The following MAGI2 variants were observed in gnomAD, a reference collection of about 807,000 sequenced individuals.
The protein encoded by MAGI2 is membrane associated guanylate kinase, WW and PDZ domain containing 2.
A neutral mutation model predicts 133.3 loss-of-function variants in MAGI2; 35 were observed. The observed-to-expected ratio is 0.26, with a 90% CI of 0.20 to 0.35. The LOEUF is 0.35. Ranked by LOEUF, MAGI2 falls within the 10% of genes least tolerant of loss-of-function variation. MAGI2 has a pLI of 1.00. For synonymous variants in MAGI2, 729 were observed against 710.6 expected (o/e 1.03, Z -0.41); for missense variants, 1,636 against 1,863.4 (o/e 0.88, Z 2.25).
intron 1 of MAGI2, among the ~76,000 whole-genome samples, chr7:79,029,970 T>C (rs1810401442): frequency 6.6e-6 from 1 of 152,106 alleles, no homozygotes; most frequent in African/African-American, 2.4e-5. Context: ...CCCCAAAATA[T>C]TAATATTACC....
At chr7:78,473,004 G>A (rs546323804) in intron 6 of MAGI2, among the ~76,000 whole-genome samples, 4 of 152,144 alleles carry the variant, frequency 2.6e-5, no homozygotes, top group African/African-American at 7.2e-5. Context: ...TAGTTTGGGG[G>A]AAATTATTAT....
At chr7:78,743,113 T>G (rs897833601) in intron 2 of MAGI2, among the ~76,000 whole-genome samples, 2 of 152,206 alleles carry the variant, frequency 1.3e-5, no homozygotes, top group Non-Finnish European at 2.9e-5. Context: ...AATAATGAAA[T>G]GATTATCGCT....
At chr7:79,405,964 C>T (rs1845778389) in intron 1 of MAGI2, among the ~76,000 whole-genome samples, 1 of 144,264 alleles carries the variant, frequency 6.9e-6, no homozygotes, top group Non-Finnish European at 1.5e-5. Context: ...CAGTTTATGA[C>T]AAAATAAGAA....
chr7:78,616,980 A>C (rs1026211931), intron 3 of MAGI2: 1 of 152,178 alleles, frequency 6.6e-6, no homozygotes, highest in Non-Finnish European at 1.5e-5. Flanking sequence ...CTGACAATAA[A>C]CAAATAAATG....
intron 1 of MAGI2, among the ~76,000 whole-genome samples, chr7:79,104,267 G>C (rs966625934): frequency 2.0e-5 from 3 of 152,122 alleles, no homozygotes; most frequent in African/African-American, 4.8e-5. Context: ...TAACATTCTG[G>C]GGTCTGTGGC....
At chr7:78,335,978 T>C (rs12537256) in intron 9 of MAGI2, among the ~76,000 whole-genome samples, 34,469 of 152,010 alleles carry the variant, frequency 0.23, 4,490 homozygotes, top group East Asian at 0.54. Flanking sequence ...AAAGTAAATA[T>C]AGGTCATGTC....
chr7:78,435,556 A>T (rs1266271488), intron 6 of MAGI2, among the ~76,000 whole-genome samples: 2 of 152,090 alleles, frequency 1.3e-5, no homozygotes, highest in African/African-American at 4.8e-5. Context: ...AACAAAACAC[A>T]CACAAGTGGG....
rs573080636 is a variant in MAGI2, at chr7:79,330,076, A to C, written c.301+122944T>G. ...AGTATAGTTGCATATTAAAACCTAG[A>C]CCATTATCCAAATAGGAAGAAAGGA... is the stretch of plus-strand genomic sequence containing the variant. On this transcript the variant is annotated intron_variant, in intron 1 of 21. Coordinates refer to ENST00000354212, the MANE Select transcript of MAGI2 (RefSeq NM_012301.4). Among the ~76,000 whole-genome samples the C allele has an allele frequency of 9.2e-5, 14 of 151,436 alleles. No individual in the cohort carries two copies. In the East Asian group the frequency reaches 2.8e-3, roughly 30 times the overall value.
At chr7:78,661,154 A>G (rs1812915006) in intron 2 of MAGI2, among the ~76,000 whole-genome samples, 1 of 152,210 alleles carries the variant, frequency 6.6e-6, no homozygotes, top group Admixed American at 6.5e-5. Flanking sequence ...GAAGTTTATC[A>G]TCACATTTTT....
At chr7:79,141,169 GT>G (rs137949179) in intron 1 of MAGI2, among the ~76,000 whole-genome samples, 4,389 of 152,178 alleles carry the variant, frequency 0.029, 80 homozygotes, top group East Asian at 0.039. Flanking sequence ...GCTCTTGACA[GT>G]TTTTCAAAAA....
chr7:78,931,313 T>C (rs1270108825), intron 2 of MAGI2, among the ~76,000 whole-genome samples: 1 of 152,108 alleles, frequency 6.6e-6, no homozygotes, highest in Non-Finnish European at 1.5e-5. Flanking sequence ...TAGTCGACAT[T>C]ACCACTGTAC....
intron 2 of MAGI2, among the ~76,000 whole-genome samples, chr7:78,699,258 A>T (rs1303578941): frequency 6.6e-6 from 1 of 152,160 alleles, no homozygotes; most frequent in Non-Finnish European, 1.5e-5. Flanking sequence ...TACATGCCAC[A>T]TGCTCAGCTA....
At chr7:79,206,036 TG>T (rs1334069096) in intron 1 of MAGI2, among the ~76,000 whole-genome samples, 1 of 150,456 alleles carries the variant, frequency 6.6e-6, no homozygotes, top group African/African-American at 2.5e-5. Flanking sequence ...TATATGAAAA[TG>T]GAAACACAAC....
intron 10 of MAGI2, among the ~76,000 whole-genome samples, chr7:78,204,608 AT>A (rs1346822855): frequency 2.0e-5 from 3 of 152,016 alleles, no homozygotes; most frequent in East Asian, 1.9e-4. Context: ...TGGGATTAAA[AT>A]TTTTTTTATA....
chr7:79,319,851 T>C (rs142142782), intron 1 of MAGI2, among the ~76,000 whole-genome samples: 1 of 152,278 alleles, frequency 6.6e-6, no homozygotes, highest in East Asian at 1.9e-4. Context: ...ATAGACATGA[T>C]TGACCCACGT....
At chr7:78,112,260 T>C (rs538623233) in intron 20 of MAGI2, among the ~76,000 whole-genome samples, 2 of 152,332 alleles carry the variant, frequency 1.3e-5, no homozygotes, top group African/African-American at 4.8e-5. Flanking sequence ...TCTTTATTAT[T>C]TACTGTTTGA....
At chr7:79,260,300 G>C (rs1833983248) in intron 1 of MAGI2, among the ~76,000 whole-genome samples, 1 of 152,102 alleles carries the variant, frequency 6.6e-6, no homozygotes, top group South Asian at 2.1e-4. Flanking sequence ...AGGCTGCAGT[G>C]AGCTGAGATC....
At chr7:78,729,663 C>A (rs1306626887) in intron 2 of MAGI2, among the ~76,000 whole-genome samples, 1 of 152,158 alleles carries the variant, frequency 6.6e-6, no homozygotes, top group African/African-American at 2.4e-5. Context: ...GGATTTATAT[C>A]CAGAGAGAAT....
chr7:78,028,574 G>T (rs1809199954), intron 21 of MAGI2, among the ~76,000 whole-genome samples: 1 of 152,106 alleles, frequency 6.6e-6, no homozygotes, highest in Non-Finnish European at 1.5e-5. Flanking sequence ...GTGCTATTAG[G>T]CCAGGTGTGG....
Sources: allele counts gnomAD v4.1 joint callset (sites outside exome capture counted in the v4.1 genomes callset), GRCh38; gene constraint gnomAD v4.1.1; transcripts MANE v1.5; gene names NCBI Gene and HGNC (gene_info 2026-07-23, HGNC 2026-07-21).